The following GRIK3 variants were observed in gnomAD, a reference collection of about 807,000 sequenced individuals.
GRIK3 encodes the protein glutamate ionotropic receptor kainate type subunit 3.
GRIK3 carries 29 observed loss-of-function variants against 102.5 expected under a neutral mutation model. The ratio of observed to expected loss-of-function variants is 0.28; its 90% CI spans 0.21 to 0.39. The LOEUF (loss-of-function observed/expected upper bound fraction) is 0.39. Ranked by LOEUF, GRIK3 falls within the 10% of genes least tolerant of loss-of-function variation. GRIK3 has a pLI of 1.00. For missense variants in GRIK3, 908 were observed against 1,252.4 expected, an observed-to-expected ratio of 0.73 and a Z score of 4.15; for synonymous variants, 511 against 504.9, an observed-to-expected ratio of 1.01 and a Z score of -0.16.
intron 1 of GRIK3, among the ~76,000 whole-genome samples, chr1:36,980,497 G>C (rs890488409): frequency 6.6e-6 from 1 of 151,732 alleles, no homozygotes; most frequent in African/African-American, 2.4e-5. Flanking sequence ...GATCCAGTTT[G>C]TGTGGTTTGG....
intron 1 of GRIK3, among the ~76,000 whole-genome samples, chr1:36,972,995 A>G (rs1642160238): frequency 1.3e-5 from 2 of 152,218 alleles, no homozygotes; most frequent in African/African-American, 4.8e-5. Context: ...TTGAAAGTAC[A>G]AAGACCTGAG....
At chr1:36,846,164 C>T (rs899660596) in intron 9 of GRIK3, among the ~76,000 whole-genome samples, 8 of 152,052 alleles carry the variant, frequency 5.3e-5, no homozygotes, top group Non-Finnish European at 1.0e-4. Context: ...CGTGGAAGAG[C>T]GGAACCAGAA....
intron 1 of GRIK3, among the ~76,000 whole-genome samples, chr1:36,898,111 T>C (rs1028083496): frequency 1.3e-5 from 2 of 151,430 alleles, no homozygotes; most frequent in Admixed American, 1.3e-4. Context: ...AGAAGGATGG[T>C]AACCAGAGGC....
intron 1 of GRIK3, among the ~76,000 whole-genome samples, chr1:37,003,399 A>G (rs192630304): frequency 6.0e-4 from 91 of 151,852 alleles, no homozygotes; most frequent in African/African-American, 2.1e-3. Flanking sequence ...AACATTATCA[A>G]TGCCCTCCCA....
chr1:36,847,872 T>C (rs747397858), intron 9 of GRIK3, among the ~76,000 whole-genome samples: 7 of 152,184 alleles, frequency 4.6e-5, no homozygotes, highest in Non-Finnish European at 4.4e-5. Flanking sequence ...GGGTTGTATC[T>C]GCCCAGATGC....
intron 10 of GRIK3, 71 bp downstream of exon 10, chr1:36,841,665 T>G: frequency 7.6e-7 from 1 of 1,319,486 alleles, no homozygotes. Context: ...TGCCCAGCCC[T>G]GTGGTGCAGA....
chr1:36,872,488 G>A lies in GRIK3; in HGVS notation c.551-119C>T. The A allele has an allele frequency of 1.3e-6, 1 of 754,324 alleles. No individual in the cohort carries two copies. The highest frequency in any genetic ancestry group is 2.1e-6 in the Non-Finnish European group (1 of 480,450). The allele number at this position is 754,324 out of a possible 1,614,324, so 46.7% of individuals were successfully genotyped here. The stretch of plus-strand genomic sequence containing the variant: ...GGCCACAGGTCTGCAGACATACACG[G>A]GCAGAAACGTGGCCCACAGAGACTT... On this transcript the variant is annotated intron_variant, in intron 3 of 15. Transcript: ENST00000373091. The surrounding 1 kb of genome is among the most constrained non-coding windows in gnomAD (Gnocchi z 5.9).
At chr1:36,871,899 A>G (rs552261558) in intron 4 of GRIK3, among the ~76,000 whole-genome samples, 3 of 152,232 alleles carry the variant, frequency 2.0e-5, no homozygotes, top group African/African-American at 7.2e-5. Flanking sequence ...ACCAGCACAG[A>G]GGTGGGATGG....
At chr1:36,992,880 C>T (rs190685210) in intron 1 of GRIK3, among the ~76,000 whole-genome samples, 3 of 152,156 alleles carry the variant, frequency 2.0e-5, no homozygotes, top group Non-Finnish European at 4.4e-5. Context: ...TGGAACTGGA[C>T]AGTCTGATCC....
chr1:36,833,518 C>T (rs950999437), intron 10 of GRIK3, among the ~76,000 whole-genome samples: 15 of 152,212 alleles, frequency 9.9e-5, no homozygotes, highest in African/African-American at 3.1e-4. Flanking sequence ...TCCCCTGCCC[C>T]CAGGTGAGCT....
intron 15 of GRIK3, among the ~76,000 whole-genome samples, chr1:36,802,739 G>C (rs955332507): frequency 2.0e-5 from 3 of 152,210 alleles, no homozygotes; most frequent in African/African-American, 7.2e-5. Flanking sequence ...ATGGAAGGCA[G>C]TGGGGGATGC....
chr1:36,813,885 G>A (rs1224115631), intron 13 of GRIK3, among the ~76,000 whole-genome samples: 1 of 152,182 alleles, frequency 6.6e-6, no homozygotes, highest in Non-Finnish European at 1.5e-5. Flanking sequence ...GGCAAGGAGA[G>A]CTTCACTTGA....
At chr1:36,805,936 CAAAAA>C (rs749853809) in intron 14 of GRIK3, among the ~76,000 whole-genome samples, 163 bp downstream of exon 14, 1 of 31,606 alleles carries the variant, frequency 3.2e-5, no homozygotes, top group African/African-American at 1.3e-4. Flanking sequence ...AACTCCACCT[CAAAAA>C]AAAAAAAAAA....
chr1:36,971,886 C>T (rs1642146234), intron 1 of GRIK3, among the ~76,000 whole-genome samples: 1 of 152,172 alleles, frequency 6.6e-6, no homozygotes, highest in African/African-American at 2.4e-5. Context: ...GTCACAGAGG[C>T]CTGGAGACAC....
chr1:36,964,707 A>G (rs997307784), intron 1 of GRIK3, among the ~76,000 whole-genome samples: 1 of 152,128 alleles, frequency 6.6e-6, no homozygotes, highest in African/African-American at 2.4e-5. Flanking sequence ...AAGACCATTC[A>G]TGTCCTTTCC....
intron 1 of GRIK3, among the ~76,000 whole-genome samples, chr1:36,932,246 G>A (rs892644582): frequency 6.6e-6 from 1 of 152,180 alleles, no homozygotes; most frequent in Non-Finnish European, 1.5e-5. Context: ...TTCGATGCTT[G>A]TTTTAATTCT....
At chr1:36,989,629 G>C (rs1642343900) in intron 1 of GRIK3, among the ~76,000 whole-genome samples, 1 of 152,240 alleles carries the variant, frequency 6.6e-6, no homozygotes, top group East Asian at 1.9e-4. Context: ...GATCCTCCTG[G>C]GGGACCAAGT....
chr1:36,832,709 C>T (rs532264480), intron 10 of GRIK3, among the ~76,000 whole-genome samples: 1 of 152,368 alleles, frequency 6.6e-6, no homozygotes, highest in African/African-American at 2.4e-5. Flanking sequence ...ATCCCTATGC[C>T]TCTGTCCTTT....
chr1:36,808,857 G>A (rs937705415), intron 13 of GRIK3, among the ~76,000 whole-genome samples: 1 of 152,124 alleles, frequency 6.6e-6, no homozygotes. Context: ...CTCCCAGTAT[G>A]GTTGCTTTTT....
Sources: allele counts gnomAD v4.1 joint callset (sites outside exome capture counted in the v4.1 genomes callset), GRCh38; gene constraint gnomAD v4.1.1; non-coding constraint Gnocchi (gnomAD v3.1); transcripts MANE v1.5; gene names NCBI Gene and HGNC (gene_info 2026-07-23, HGNC 2026-07-21).